Variants in GLIS3 observed in about 807,000 individuals in gnomAD.
GLIS3 encodes GLIS family zinc finger 3, also known as zinc finger protein GLIS3.
GLIS3 carries 53 observed loss-of-function variants against 78.6 expected under a neutral mutation model. The observed-to-expected ratio is 0.67, with a 90% CI of 0.54 to 0.85. The LOEUF (loss-of-function observed/expected upper bound fraction) is 0.85, where lower values mean the gene tolerates loss of function less well. Among genes scored for constraint, GLIS3 ranks in the 40% least tolerant of loss-of-function variants. GLIS3 has a pLI of 0.00. For missense variants in GLIS3, 1,703 were observed against 1,231.1 expected (o/e 1.38, Z -5.74); for synonymous variants, 684 against 509.9 (o/e 1.34, Z -4.60).
the GLIS3 span, among the ~76,000 whole-genome samples, chr9:4,359,860 G>T: frequency 6.6e-6 from 1 of 151,838 alleles, no homozygotes; most frequent in Admixed American, 6.6e-5. Context: ...ACCAATATAT[G>T]TATTCTTCCT....
chr9:4,177,034 C>A (rs1056142929), intron 2 of GLIS3, among the ~76,000 whole-genome samples: 3 of 152,178 alleles, frequency 2.0e-5, no homozygotes, highest in African/African-American at 7.2e-5. Context: ...ATATGGGTAT[C>A]CCCCGAAATT....
upstream of GLIS3, among the ~76,000 whole-genome samples, chr9:4,348,756 G>A (rs1357571151): frequency 6.6e-6 from 1 of 151,760 alleles, no homozygotes; most frequent in African/African-American, 2.4e-5. Flanking sequence ...TATTCAAAAA[G>A]GAAAATGCTC....
At chr9:3,874,056 G>C (rs1281398903) in intron 8 of GLIS3, among the ~76,000 whole-genome samples, 1 of 151,718 alleles carries the variant, frequency 6.6e-6, no homozygotes, top group African/African-American at 2.4e-5. Context: ...CAAAGTGATA[G>C]TGTCTTTTTG....
intron 2 of GLIS3, among the ~76,000 whole-genome samples, chr9:4,238,146 TC>T (rs1471740850): frequency 9.2e-5 from 14 of 152,276 alleles, no homozygotes; most frequent in Admixed American, 9.2e-4. Flanking sequence ...GACTTCTCGT[TC>T]CTACTTTACA....
the GLIS3 span, among the ~76,000 whole-genome samples, chr9:4,412,959 A>G: frequency 6.6e-6 from 1 of 152,222 alleles, no homozygotes; most frequent in Non-Finnish European, 1.5e-5. Context: ...CGTGGAGCAC[A>G]GTCTCTTTCA....
rs1830249113 is a variant in GLIS3, at chr9:4,100,071, G to A, written c.1710+17697C>T. On this transcript the variant is annotated intron_variant, in intron 4 of 10. Transcript: ENST00000381971. ...AAAATGACACATACTACAGAAGAAT[G>A]TTTTGAAACGTAAAATTGTGTAACA... is the stretch of plus-strand genomic sequence containing the variant. Among the ~76,000 whole-genome samples the A allele has an allele frequency of 2.6e-5, 4 of 152,168 alleles. 1 individual carries two copies. The South Asian group carries it at 6.2e-4, about 24-fold the overall frequency.
intron 2 of GLIS3, among the ~76,000 whole-genome samples, chr9:4,163,243 G>GGC (rs1041311570): frequency 6.3e-5 from 4 of 63,506 alleles, no homozygotes; most frequent in African/African-American, 1.6e-4. Context: ...CATGTGCACT[G>GGC]GCACACACAC....
intron 8 of GLIS3, among the ~76,000 whole-genome samples, chr9:3,861,860 T>C (rs150671378): frequency 1.1e-4 from 16 of 152,232 alleles, no homozygotes; most frequent in Non-Finnish European, 1.9e-4. Context: ...GATGGGTTGA[T>C]AGGCACAGCA....
the GLIS3 span, among the ~76,000 whole-genome samples, chr9:4,362,080 C>CT: frequency 1.3e-5 from 2 of 152,178 alleles, no homozygotes; most frequent in South Asian, 4.1e-4. Context: ...TATTGGATCA[C>CT]TAAAGGGTGC....
intron 4 of GLIS3, among the ~76,000 whole-genome samples, chr9:4,042,726 C>A (rs1824925460): frequency 1.3e-5 from 2 of 152,080 alleles, no homozygotes; most frequent in Non-Finnish European, 2.9e-5. Flanking sequence ...AAAACAAAAA[C>A]TGTAGGGAAA....
intron 2 of GLIS3, among the ~76,000 whole-genome samples, chr9:4,340,857 G>A (rs903231522): frequency 6.6e-6 from 1 of 152,072 alleles, no homozygotes; most frequent in Non-Finnish European, 1.5e-5. Flanking sequence ...GACCCCTCCT[G>A]GCTAATTTTT....
chr9:3,927,519 G>A (rs960028952), intron 6 of GLIS3, among the ~76,000 whole-genome samples: 4 of 152,124 alleles, frequency 2.6e-5, no homozygotes, highest in African/African-American at 4.8e-5. Context: ...ATTCTAAAGC[G>A]CACACCTCGG....
intron 7 of GLIS3, among the ~76,000 whole-genome samples, chr9:3,884,548 G>C (rs1308940135): frequency 6.6e-6 from 1 of 152,168 alleles, no homozygotes; most frequent in African/African-American, 2.4e-5. Context: ...GAGGCTGCTG[G>C]TATGGAAACT....
intron 4 of GLIS3, among the ~76,000 whole-genome samples, chr9:4,088,386 T>C (rs570466723): frequency 6.6e-6 from 1 of 152,336 alleles, no homozygotes; most frequent in East Asian, 1.9e-4. Context: ...AGAGAAAGGT[T>C]GGAAAAATAA....
At chr9:4,019,692 G>A (rs1822717982) in intron 4 of GLIS3, among the ~76,000 whole-genome samples, 2 of 152,102 alleles carry the variant, frequency 1.3e-5, no homozygotes, top group African/African-American at 4.8e-5. Context: ...TCGACAATGT[G>A]AGACTCATGG....
chr9:4,322,339 A>C (rs182411949), intron 2 of GLIS3, among the ~76,000 whole-genome samples: 2 of 152,258 alleles, frequency 1.3e-5, no homozygotes. Flanking sequence ...CAATAAACAT[A>C]TGTGTGCATG....
At chr9:3,922,263 C>T (rs1824940801) in intron 6 of GLIS3, among the ~76,000 whole-genome samples, 1 of 151,984 alleles carries the variant, frequency 6.6e-6, no homozygotes, top group Non-Finnish European at 1.5e-5. Flanking sequence ...CACTATATAC[C>T]ACTTAGAAGA....
chr9:4,283,750 T>C (rs979138557), intron 2 of GLIS3, among the ~76,000 whole-genome samples: 43 of 152,238 alleles, frequency 2.8e-4, no homozygotes, highest in Admixed American at 7.9e-4. Flanking sequence ...CCTCAACCAG[T>C]TATTGGCTTA....
At chr9:4,154,173 G>A (rs1834885517) in intron 2 of GLIS3, among the ~76,000 whole-genome samples, 1 of 152,184 alleles carries the variant, frequency 6.6e-6, no homozygotes, top group Non-Finnish European at 1.5e-5. Context: ...TCCAACAGAT[G>A]TAGCATCACT....
Sources: gnomAD v4.1 joint callset for allele counts (sites outside exome capture counted in the v4.1 genomes callset) on GRCh38, gnomAD v4.1.1 for gene constraint, MANE v1.5 for transcripts, NCBI Gene and HGNC (gene_info 2026-07-23, HGNC 2026-07-21) for gene names.